Variants in ARSJ observed in about 807,000 individuals in gnomAD.
ARSJ encodes arylsulfatase family member J.
A neutral mutation model predicts 35.9 loss-of-function variants in ARSJ; 26 were observed. The ratio of observed to expected loss-of-function variants is 0.72; its 90% CI spans 0.53 to 1.00. The LOEUF is 1.00. Ranked by LOEUF, ARSJ falls within the 50% of genes least tolerant of loss-of-function variation. ARSJ has a pLI of 0.00. For synonymous variants in ARSJ, 294 were observed against 267.6 expected (o/e 1.10, Z -0.96); for missense variants, 667 against 723.6 (o/e 0.92, Z 0.90).
At chr4:113,955,057 T>C (rs1726090621) in intron 1 of ARSJ, among the ~76,000 whole-genome samples, 2 of 151,344 alleles carry the variant, frequency 1.3e-5, no homozygotes, top group South Asian at 4.1e-4. Flanking sequence ...TCCAAGCCTA[T>C]ACCAGATGGA....
intron 1 of ARSJ, among the ~76,000 whole-genome samples, chr4:113,920,937 T>C (rs1237189899): frequency 2.6e-5 from 4 of 152,064 alleles, no homozygotes; most frequent in Non-Finnish European, 5.9e-5. Context: ...TAAAGAGCAA[T>C]GGCGCTAATA....
At position 113,903,489 on chromosome 4, in the gene ARSJ, G is replaced by A. The variant is rs765118953; in HGVS notation, c.585C>T (p.Thr195=). The A allele has an allele frequency of 6.2e-7, 1 of 1,614,106 alleles. No individual in the cohort carries two copies. The highest frequency in any genetic ancestry group is 8.5e-7 in the Non-Finnish European group (1 of 1,180,002). ...CACTTCCCAAAAGGGAACCAAAAAA[G>A]GTATCAAATCCTCTTCTGGTGGGCA... The part of the protein sequence containing the change: ...ECMPTRRGFD[T]FFGSLLGSGD... The change falls in exon 2 of 2, where the codon ACC becomes ACT. Residue 195 remains threonine (T), a synonymous_variant. Transcript: ENST00000315366.
chr4:113,939,003 C>T (rs1380831912), intron 1 of ARSJ, among the ~76,000 whole-genome samples: 1 of 151,174 alleles, frequency 6.6e-6, no homozygotes, highest in Non-Finnish European at 1.5e-5. Context: ...TGCTGGTGTG[C>T]TGCACCCATT....
intron 1 of ARSJ, among the ~76,000 whole-genome samples, chr4:113,959,885 T>C (rs1253008024): frequency 4.6e-5 from 7 of 152,116 alleles, no homozygotes; most frequent in Non-Finnish European, 7.4e-5. Context: ...TTTACTGTGA[T>C]CTATCAGCCA....
Position 113,920,224 on chromosome 4 carries a change from A to C in ARSJ, c.399-16549T>G, listed in dbSNP as rs189833154. 1.8e-4 allele frequency among the ~76,000 whole-genome samples: 28 copies of C among 152,310 alleles called. No homozygotes were observed. The East Asian group carries it at 4.6e-3, about 25-fold the overall frequency. The stretch of plus-strand genomic sequence containing the variant: ...TTGGTGAGGATAAAAACGTTTCCAC[A>C]GAGTATTCATGTTTGCATGAGTGTT... On this transcript the variant is annotated intron_variant, in intron 1 of 1. Transcript: ENST00000315366.
intron 1 of ARSJ, among the ~76,000 whole-genome samples, chr4:113,910,045 T>C (rs2099669969): frequency 6.6e-6 from 1 of 152,154 alleles, no homozygotes; most frequent in African/African-American, 2.4e-5. Flanking sequence ...AAAAATAAAA[T>C]AATTTTGAAA....
intron 1 of ARSJ, among the ~76,000 whole-genome samples, chr4:113,938,998 G>C (rs911704305): frequency 6.6e-6 from 1 of 151,174 alleles, no homozygotes; most frequent in Admixed American, 6.6e-5. Context: ...TGCCATGCTG[G>C]TGTGCTGCAC....
chr4:113,940,108 A>T (rs796534064), intron 1 of ARSJ, among the ~76,000 whole-genome samples: 1 of 152,158 alleles, frequency 6.6e-6, no homozygotes, highest in Non-Finnish European at 1.5e-5. Flanking sequence ...AGAGCCAAAA[A>T]CACCATTTGC....
chr4:113,963,667 G>T (rs1003672816), intron 1 of ARSJ, among the ~76,000 whole-genome samples: 3 of 151,910 alleles, frequency 2.0e-5, no homozygotes, highest in Admixed American at 2.0e-4. Flanking sequence ...GCAAAGAGTA[G>T]GTTCTCAATA....
chr4:113,940,645 TAA>T (rs566983455), intron 1 of ARSJ, among the ~76,000 whole-genome samples: 2 of 144,606 alleles, frequency 1.4e-5, no homozygotes, highest in Admixed American at 6.9e-5. Flanking sequence ...CCCTGGAACT[TAA>T]AAAAAAAAAA....
intron 1 of ARSJ, among the ~76,000 whole-genome samples, chr4:113,938,214 A>G (rs1594450882): frequency 6.6e-6 from 1 of 152,136 alleles, no homozygotes; most frequent in South Asian, 2.1e-4. Context: ...AACAGAATAG[A>G]TAACTCAGAA....
intron 1 of ARSJ, among the ~76,000 whole-genome samples, chr4:113,917,975 A>G (rs1723422718): frequency 1.3e-5 from 2 of 152,196 alleles, no homozygotes; most frequent in South Asian, 4.1e-4. Flanking sequence ...ATAGAAACAC[A>G]ATATTTAAGA....
chr4:113,902,019 C>CG lies in ARSJ; in HGVS notation c.*254dup. 2 of 1,090,580 alleles carry CG rather than the reference C, an allele frequency of 1.8e-6. No homozygotes were observed. Among genetic ancestry groups the CG allele is most frequent in the South Asian group, 1.6e-5 (1 of 62,938 alleles). The allele number at this position is 1,090,580 out of a possible 1,614,324, so 67.6% of individuals were successfully genotyped here. On this transcript the variant is annotated 3_prime_UTR_variant, in exon 2 of 2. Transcript: ENST00000315366. ...CAGCAGTGGAACTCAGGACTCACCA[C>CG]GTTTTCTAAAGGAGCAAGAGAAATA...
At chr4:113,919,773 G>A (rs954745585) in intron 1 of ARSJ, among the ~76,000 whole-genome samples, 10 of 152,160 alleles carry the variant, frequency 6.6e-5, no homozygotes, top group Non-Finnish European at 1.3e-4. Context: ...AAAGCACTGT[G>A]AATCTTGTGG....
intron 1 of ARSJ, among the ~76,000 whole-genome samples, chr4:113,930,408 A>G (rs1724360219): frequency 2.6e-5 from 4 of 152,076 alleles, no homozygotes; most frequent in Admixed American, 2.6e-4. Flanking sequence ...GATTGTGCCC[A>G]CCAGATTAAG....
chr4:113,920,940 C>A (rs187457190), intron 1 of ARSJ, among the ~76,000 whole-genome samples: 1 of 151,988 alleles, frequency 6.6e-6, no homozygotes, highest in African/African-American at 2.4e-5. Context: ...AGAGCAATGG[C>A]GCTAATAATA....
At chr4:113,926,434 T>A (rs189951435) in intron 1 of ARSJ, among the ~76,000 whole-genome samples, 5 of 152,292 alleles carry the variant, frequency 3.3e-5, no homozygotes, top group African/African-American at 1.2e-4. Flanking sequence ...GCTGCAACTG[T>A]CCACTTTTGG....
At chr4:113,950,324 C>T (rs1410605432) in intron 1 of ARSJ, among the ~76,000 whole-genome samples, 1 of 152,038 alleles carries the variant, frequency 6.6e-6, no homozygotes, top group East Asian at 1.9e-4. Flanking sequence ...TAATACCTGC[C>T]TCTGCTGCAA....
chr4:113,903,372 A>T lies in ARSJ; in HGVS notation c.702T>A (p.Asn234Lys), dbSNP rs747003839. 1 of 1,614,050 alleles carries T rather than the reference A, an allele frequency of 6.2e-7. No homozygotes were observed. Among genetic ancestry groups the T allele is most frequent in the African/African-American group, 1.3e-5 (1 of 74,916 alleles). ...ENDNAAWDYDNGIYSTQMYTQ... is the reference protein window; with the variant it reads ...ENDNAAWDYDKGIYSTQMYTQ... Reference sequence around the variant, plus strand: ...TGTACATCTGTGTGGAGTATATGCCATTGTCATAGTCCCAGGCAGCATTGT... The same window carrying T: ...TGTACATCTGTGTGGAGTATATGCCTTTGTCATAGTCCCAGGCAGCATTGT... Residue 234 changes from asparagine to lysine, a missense_variant, in exon 2 of 2, where the codon AAT becomes AAA. Physicochemically the swap from Asn to Lys is moderately conservative, Grantham distance 94. Coordinates refer to ENST00000315366, the MANE Select transcript of ARSJ (RefSeq NM_024590.4).
Sources: allele counts gnomAD v4.1 joint callset (sites outside exome capture counted in the v4.1 genomes callset), GRCh38; gene constraint gnomAD v4.1.1; transcripts MANE v1.5; gene names NCBI Gene and HGNC (gene_info 2026-07-23, HGNC 2026-07-21).